The following EML2 variants were observed in gnomAD, a reference collection of about 807,000 sequenced individuals.
The protein encoded by EML2 is echinoderm microtubule-associated protein-like 2.
EML2 carries 59 observed loss-of-function variants against 84.7 expected under a neutral mutation model. The observed-to-expected ratio is 0.70, with a 90% CI of 0.56 to 0.86. The LOEUF (loss-of-function observed/expected upper bound fraction) is 0.86, where lower values mean the gene tolerates loss of function less well. Ranked by LOEUF, EML2 falls within the 40% of genes least tolerant of loss-of-function variation. The pLI is 0.00. For synonymous variants in EML2, 352 were observed against 348.9 expected, an observed-to-expected ratio of 1.01 and a Z score of -0.10; for missense variants, 818 against 855.6, an observed-to-expected ratio of 0.96 and a Z score of 0.55.
At chr19:45,626,885 A>G (rs369617317) in intron 7 of EML2, 46 bp from the exon 8 acceptor site, 2 of 1,556,056 alleles carry the variant, frequency 1.3e-6, no homozygotes, top group Non-Finnish European at 1.7e-6. Flanking sequence ...CAAAGTCCCC[A>G]AGGCTACTAT....
rs573601575 is a variant in EML2, at chr19:45,615,726, C to T, written c.1597+76G>A. On this transcript the variant is annotated intron_variant, in intron 16 of 18. Coordinates refer to ENST00000245925, the MANE Select transcript of EML2 (RefSeq NM_012155.4). ...CAAGGGAGCGAGGCTTGAAGCCCCT[C>T]CCTCCCCTCCCAGAACTCAGGGAAG... The T allele has an allele frequency of 5.4e-6, 7 of 1,289,424 alleles. No homozygotes were observed. In the African/African-American group the frequency reaches 1.0e-4, roughly 19 times the overall value. The allele number at this position is 1,289,424 out of a possible 1,614,324, so 79.9% of individuals were successfully genotyped here. A position where few individuals can be genotyped will look rare whatever the true frequency, so the allele number is the denominator to read the frequency against.
In EML2 at chr19:45,609,703, CCTG is replaced by C; in HGVS notation, c.1907_1909del (p.Thr636_Gly637delinsArg). ...CTGTAGCACACTGGTGTCCTTGCCC[CCTG>C]TGGTCAGGGCCATGCTGTCATCCCA... On this transcript the variant is annotated inframe_deletion, in exon 19 of 19. Coordinates refer to ENST00000245925, the MANE Select transcript of EML2 (RefSeq NM_012155.4). The C allele has an allele frequency of 6.2e-7, 1 of 1,613,480 alleles. No individual in the cohort carries two copies. The highest frequency in any genetic ancestry group is 8.5e-7 in the Non-Finnish European group (1 of 1,179,784).
intron 6 of EML2, among the ~76,000 whole-genome samples, chr19:45,631,409 TTATC>T (rs59907748): frequency 0.35 from 52,510 of 151,354 alleles, 9,278 homozygotes; most frequent in East Asian, 0.4. Context: ...AATATGATTT[TTATC>T]TATCTATCTA....
intron 18 of EML2, 117 bp downstream of exon 18, chr19:45,613,418 CTCCTTG>C: frequency 1.7e-6 from 2 of 1,202,102 alleles, no homozygotes; most frequent in Admixed American, 2.3e-5. Context: ...GACTACTGTC[CTCCTTG>C]TACAGATGGG....
At chr19:45,637,274 AG>A (rs1339384624) in intron 3 of EML2, among the ~76,000 whole-genome samples, 1 of 152,154 alleles carries the variant, frequency 6.6e-6, no homozygotes, top group Non-Finnish European at 1.5e-5. Flanking sequence ...TTTAGGAAAA[AG>A]TTTGGGTCCC....
At chr19:45,611,180 C>G (rs1675344282) in intron 18 of EML2, among the ~76,000 whole-genome samples, 1 of 152,106 alleles carries the variant, frequency 6.6e-6, no homozygotes, top group African/African-American at 2.4e-5. Context: ...GAGGCCGAGG[C>G]AGGCAGATCG....
intron 18 of EML2, among the ~76,000 whole-genome samples, chr19:45,610,215 G>C (rs1970346925): frequency 1.3e-5 from 2 of 151,032 alleles, no homozygotes; most frequent in Admixed American, 1.3e-4. Flanking sequence ...GGCCAATATG[G>C]TGAAACCCCG....
intron 8 of EML2, among the ~76,000 whole-genome samples, chr19:45,626,448 C>T (rs949792263): frequency 4.1e-5 from 5 of 120,946 alleles, no homozygotes; most frequent in Non-Finnish European, 8.0e-5. Context: ...CTGGAGTGAT[C>T]ATTTGATCAC....
At chr19:45,630,085 G>A in intron 6 of EML2, 39 bp from the exon 7 acceptor site, 14 of 1,508,206 alleles carry the variant, frequency 9.3e-6, no homozygotes, top group Non-Finnish European at 1.3e-5. Flanking sequence ...GAGGCAAGGG[G>A]AGTCAGGGCC....
intron 8 of EML2, among the ~76,000 whole-genome samples, chr19:45,626,380 CTTT>C (rs35850853): frequency 1.7e-3 from 136 of 79,440 alleles, no homozygotes; most frequent in African/African-American, 4.5e-3. Flanking sequence ...ATCCTCACAA[CTTT>C]TTTTTTTTTT....
chr19:45,639,532 G>T, upstream of EML2: 1 of 660,030 alleles, frequency 1.5e-6, no homozygotes. Flanking sequence ...ATCCCGGGCT[G>T]TGGACTCCCG....
chr19:45,615,388 T>C (rs1970917832), intron 16 of EML2, among the ~76,000 whole-genome samples: 2 of 147,936 alleles, frequency 1.4e-5, no homozygotes, highest in Middle Eastern at 3.6e-3. Context: ...CATGGTGGTG[T>C]GCTCCTGTAA....
At chr19:45,613,506 A>AC in intron 18 of EML2, 35 bp downstream of exon 18, 1 of 1,608,792 alleles carries the variant, frequency 6.2e-7, no homozygotes, top group Non-Finnish European at 8.5e-7. Flanking sequence ...CCTGCTTGCT[A>AC]CCCCCGTCCA....
intron 7 of EML2, 111 bp downstream of exon 7, chr19:45,629,840 G>A: frequency 1.2e-6 from 1 of 847,228 alleles, no homozygotes; most frequent in Non-Finnish European, 2.0e-6. Flanking sequence ...CCAGCAAGGA[G>A]TAAAGCCAGG....
chr19:45,611,540 C>T (rs1338146386), intron 18 of EML2, among the ~76,000 whole-genome samples: 1 of 151,804 alleles, frequency 6.6e-6, no homozygotes, highest in African/African-American at 2.4e-5. Flanking sequence ...GGCTGGAGTG[C>T]AGTGGTGCAA....
chr19:45,620,462 A>G (rs1971556661), intron 11 of EML2, among the ~76,000 whole-genome samples: 1 of 151,722 alleles, frequency 6.6e-6, no homozygotes, highest in African/African-American at 2.4e-5. Context: ...TAATCCCCGC[A>G]TTTTGGGAGG....
At chr19:45,619,258 CCAGA>C in intron 11 of EML2, 67 bp from the exon 12 acceptor site, 4 of 1,527,094 alleles carry the variant, frequency 2.6e-6, no homozygotes, top group Non-Finnish European at 3.5e-6. Context: ...AACACTAATG[CCAGA>C]CAAATGCTAG....
upstream of EML2, chr19:45,643,698 C>A (rs922169679): frequency 6.5e-7 from 1 of 1,535,280 alleles, no homozygotes; most frequent in Non-Finnish European, 8.7e-7. Flanking sequence ...CGTCCACAGG[C>A]CGCGCAGCTG....
At chr19:45,632,132 A>G (rs557326918) in intron 6 of EML2, among the ~76,000 whole-genome samples, 1 of 144,904 alleles carries the variant, frequency 6.9e-6, no homozygotes, top group East Asian at 2.1e-4. Flanking sequence ...TGACCTTGTG[A>G]TCCGCCCGCC....
Sources: gnomAD v4.1 joint callset for allele counts (sites outside exome capture counted in the v4.1 genomes callset) on GRCh38, gnomAD v4.1.1 for gene constraint, MANE v1.5 for transcripts, NCBI Gene and HGNC (gene_info 2026-07-23, HGNC 2026-07-21) for gene names.